The following TRPS1 variants were observed in gnomAD, a reference collection of about 807,000 sequenced individuals.
TRPS1 encodes zinc finger transcription factor Trps1.
Under a neutral mutation model 101.2 loss-of-function variants are expected in TRPS1, and 6 were observed. That is an observed-to-expected ratio of 0.06 (90% CI 0.03 to 0.12). The LOEUF (loss-of-function observed/expected upper bound fraction) is 0.12. Among genes scored for constraint, TRPS1 ranks in the 10% least tolerant of loss-of-function variants. The pLI is 1.00. For missense variants in TRPS1, 1,363 were observed against 1,567.0 expected, an observed-to-expected ratio of 0.87 and a Z score of 2.20; for synonymous variants, 578 against 589.8, an observed-to-expected ratio of 0.98 and a Z score of 0.29.
chr8:115,563,680 T>C (rs1817001790), intron 5 of TRPS1, among the ~76,000 whole-genome samples: 1 of 152,150 alleles, frequency 6.6e-6, no homozygotes. Context: ...AACCACGTGA[T>C]CTTTAACTTG....
At chr8:115,505,727 A>AAAG (rs1169375026) in intron 5 of TRPS1, among the ~76,000 whole-genome samples, 1 of 152,122 alleles carries the variant, frequency 6.6e-6, no homozygotes, top group African/African-American at 2.4e-5. Context: ...ATGATCGTGT[A>AAAG]AAGCATTTGG....
At chr8:115,508,999 T>C (rs555767358) in intron 5 of TRPS1, among the ~76,000 whole-genome samples, 1 of 152,104 alleles carries the variant, frequency 6.6e-6, no homozygotes, top group Admixed American at 6.6e-5. Flanking sequence ...GGGGCTTTCC[T>C]TCTCTTGAAT....
intron 5 of TRPS1, among the ~76,000 whole-genome samples, chr8:115,549,635 C>T (rs1301563940): frequency 1.3e-4 from 19 of 149,334 alleles, no homozygotes; most frequent in Non-Finnish European, 2.1e-4. Context: ...GACTTAGGAA[C>T]CTTGGTCAAG....
At position 115,436,315 on chromosome 8, in the gene TRPS1, C is replaced by T. The variant is rs1172582305; in HGVS notation, c.2701-17863G>A. ...GCTTCCTCTACACAGACCCCAGTCT[C>T]AGTCAGACAGGCCCGGATGGTAAAA... On this transcript the variant is annotated intron_variant, in intron 5 of 6. Transcript: ENST00000395715. Among the ~76,000 whole-genome samples the T allele has an allele frequency of 3.9e-5, 6 of 152,212 alleles. No homozygotes were observed. The Middle Eastern group carries it at 0.01, about 259-fold the overall frequency.
At chr8:115,535,304 T>TATATAG (rs1563583154) in intron 5 of TRPS1, among the ~76,000 whole-genome samples, 1 of 107,500 alleles carries the variant, frequency 9.3e-6, no homozygotes, top group Non-Finnish European at 2.0e-5. Flanking sequence ...AGCATATATA[T>TATATAG]AGCATATATA....
rs370058994 is a variant in TRPS1 at position 115,655,058 on chromosome 8, G to C, written c.-122+13487C>G. 2.0e-5 allele frequency among the ~76,000 whole-genome samples: 3 copies of C among 152,162 alleles called. No individual in the cohort carries two copies. In the East Asian group the frequency reaches 5.8e-4, roughly 29 times the overall value. On this transcript the variant is annotated intron_variant, in intron 1 of 6. Coordinates refer to ENST00000395715, the MANE Select transcript of TRPS1 (RefSeq NM_014112.5). ...GGATGGTGAACGGACCCAAGTTCTA[G>C]TTCAGTCCTTTAACCAAGTAGGGGG...
intron 5 of TRPS1, among the ~76,000 whole-genome samples, chr8:115,500,067 T>A (rs1815276560): frequency 6.6e-6 from 1 of 152,010 alleles, no homozygotes; most frequent in African/African-American, 2.4e-5. Flanking sequence ...TCTCGCTCTA[T>A]CACCTAGGCT....
chr8:115,473,853 T>C lies in TRPS1; in HGVS notation c.2701-55401A>G, dbSNP rs1814532795. Among the ~76,000 whole-genome samples, 4 of 152,316 alleles carry C rather than the reference T, an allele frequency of 2.6e-5. No homozygotes were observed. In the South Asian group the frequency reaches 6.2e-4, roughly 24 times the overall value. ...CAGCACAAAGGGATAGTATATGTTA[T>C]GTATGATTTATGTAAGTTTCATTAA... On this transcript the variant is annotated intron_variant, in intron 5 of 6. Transcript: ENST00000395715.
intron 1 of TRPS1, among the ~76,000 whole-genome samples, chr8:115,665,099 TA>T (rs1413503037): frequency 6.6e-6 from 1 of 152,150 alleles, no homozygotes; most frequent in African/African-American, 2.4e-5. Flanking sequence ...GAACTGAAGT[TA>T]AAATATAATT....
At chr8:115,455,524 C>T (rs1374124065) in intron 5 of TRPS1, among the ~76,000 whole-genome samples, 1 of 152,112 alleles carries the variant, frequency 6.6e-6, no homozygotes, top group Non-Finnish European at 1.5e-5. Context: ...TGCACTGAGT[C>T]CACTGGACTC....
At chr8:115,596,934 T>C (rs1472943031) in intron 4 of TRPS1, among the ~76,000 whole-genome samples, 2 of 151,936 alleles carry the variant, frequency 1.3e-5, no homozygotes, top group East Asian at 1.9e-4. Flanking sequence ...TCAAAATTAT[T>C]CTTATAAGAT....
At chr8:115,471,189 C>A (rs1009828569) in intron 5 of TRPS1, among the ~76,000 whole-genome samples, 22 of 152,102 alleles carry the variant, frequency 1.4e-4, no homozygotes, top group Admixed American at 1.4e-3. Flanking sequence ...TATACAGAAG[C>A]GCCTGAGATT....
intron 1 of TRPS1, among the ~76,000 whole-genome samples, chr8:115,633,386 G>T (rs1818693543): frequency 6.6e-6 from 1 of 152,038 alleles, no homozygotes. Flanking sequence ...TGGTGGTGGT[G>T]GTGGAAGGAC....
Position 115,447,678 on chromosome 8 carries a change from T to TATATATA in TRPS1, c.2701-29233_2701-29227dup, listed in dbSNP as rs1813771930. Among the ~76,000 whole-genome samples, 7 of 89,734 alleles carry TATATATA rather than the reference T, an allele frequency of 7.8e-5. No individual in the cohort carries two copies. The South Asian group carries it at 3.2e-3, about 42-fold the overall frequency. The allele number at this position is 89,734 out of a possible 152,430, so 58.9% of individuals were successfully genotyped here. A position where few individuals can be genotyped will look rare whatever the true frequency, so the allele number is the denominator to read the frequency against. On this transcript the variant is annotated intron_variant, in intron 5 of 6. Coordinates refer to ENST00000395715, the MANE Select transcript of TRPS1 (RefSeq NM_014112.5). ...ATGCTTTTAGAATGTCATATTTTTA[T>TATATATA]ATATATATAATATGAAATGTCAGCA...
chr8:115,451,754 C>A (rs1290234248), intron 5 of TRPS1, among the ~76,000 whole-genome samples: 1 of 152,180 alleles, frequency 6.6e-6, no homozygotes, highest in East Asian at 1.9e-4. Context: ...GTTTTCACCT[C>A]ACCATTTTGT....
Position 115,408,885 on chromosome 8 carries a change from GTTTA to G in TRPS1, c.*5134_*5137del, listed in dbSNP as rs1563704976. 1 of 152,102 alleles carries G rather than the reference GTTTA, an allele frequency of 6.6e-6. No homozygotes were observed. Among genetic ancestry groups the G allele is most frequent in the East Asian group, 1.9e-4 (1 of 5,152 alleles). The allele number at this position is 152,102 out of a possible 1,614,324, so 9.4% of individuals were successfully genotyped here. On this transcript the variant is annotated 3_prime_UTR_variant, in exon 7 of 7. Coordinates refer to ENST00000395715, the MANE Select transcript of TRPS1 (RefSeq NM_014112.5). ...AATAGTCCGCCCTAAGGAATTTGGCGTTTATTATTGTGATATTTGCCTTATTGGT... is the reference window on the plus strand; with the variant it reads ...AATAGTCCGCCCTAAGGAATTTGGCGTTATTGTGATATTTGCCTTATTGGT...
chr8:115,469,864 T>C (rs1814422874), intron 5 of TRPS1, among the ~76,000 whole-genome samples: 1 of 152,122 alleles, frequency 6.6e-6, no homozygotes, highest in South Asian at 2.1e-4. Flanking sequence ...CTATGCCATA[T>C]CAATGCTACC....
intron 5 of TRPS1, among the ~76,000 whole-genome samples, chr8:115,520,986 C>T (rs1352939999): frequency 6.6e-6 from 1 of 151,774 alleles, no homozygotes; most frequent in African/African-American, 2.4e-5. Context: ...GGAGGTTCCA[C>T]GCTTATGCCT....
intron 4 of TRPS1, among the ~76,000 whole-genome samples, chr8:115,597,029 T>A (rs1389258030): frequency 6.6e-6 from 1 of 151,946 alleles, no homozygotes; most frequent in Non-Finnish European, 1.5e-5. Flanking sequence ...AATAAATTAA[T>A]CTTTTTTGGA....
Sources: allele counts gnomAD v4.1 joint callset (sites outside exome capture counted in the v4.1 genomes callset), GRCh38; gene constraint gnomAD v4.1.1; transcripts MANE v1.5; gene names NCBI Gene and HGNC (gene_info 2026-07-23, HGNC 2026-07-21).